ASCC3: variants seen among roughly 807,000 people sequenced by gnomAD.
The protein encoded by ASCC3 is activating signal cointegrator 1 complex subunit 3, also known as ASC-1 complex subunit P200.
Under a neutral mutation model 256.3 loss-of-function variants are expected in ASCC3, and 158 were observed. The observed-to-expected ratio is 0.62, with a 90% CI of 0.54 to 0.70. The LOEUF is 0.70. Ranked by LOEUF, ASCC3 falls within the 30% of genes least tolerant of loss-of-function variation. ASCC3 has a pLI of 0.00. For synonymous variants in ASCC3, 948 were observed against 883.4 expected (o/e 1.07, Z -1.30); for missense variants, 2,259 against 2,626.0 (o/e 0.86, Z 3.05).
chr6:100,701,015 G>A (rs1400339137), intron 13 of ASCC3, among the ~76,000 whole-genome samples: 2 of 152,068 alleles, frequency 1.3e-5, no homozygotes, highest in East Asian at 1.9e-4. Context: ...AGGGTGGAAT[G>A]ATATGGTTTG....
intron 30 of ASCC3, among the ~76,000 whole-genome samples, chr6:100,620,717 T>G (rs534758155): frequency 3.3e-5 from 5 of 152,130 alleles, no homozygotes; most frequent in Admixed American, 6.6e-5. Context: ...TTGTCAACAC[T>G]AGAGTCTTAA....
intron 10 of ASCC3, among the ~76,000 whole-genome samples, chr6:100,734,182 T>A (rs1190528333): frequency 6.6e-6 from 1 of 152,150 alleles, no homozygotes; most frequent in Non-Finnish European, 1.5e-5. Flanking sequence ...GGAGAAGAAT[T>A]TTTTACCACC....
intron 14 of ASCC3, among the ~76,000 whole-genome samples, chr6:100,664,917 G>A (rs1776392915): frequency 6.6e-6 from 1 of 152,144 alleles, no homozygotes; most frequent in South Asian, 2.1e-4. Flanking sequence ...CTGGATTGCT[G>A]TTTGGTTTTA....
At chr6:100,741,180 C>G (rs1017666807) in intron 10 of ASCC3, among the ~76,000 whole-genome samples, 1 of 152,136 alleles carries the variant, frequency 6.6e-6, no homozygotes, top group African/African-American at 2.4e-5. Flanking sequence ...GTTGGAAATT[C>G]TTTTGTTTAA....
intron 36 of ASCC3, among the ~76,000 whole-genome samples, chr6:100,572,268 T>C (rs1019666110): frequency 1.3e-5 from 2 of 152,168 alleles, no homozygotes; most frequent in African/African-American, 4.8e-5. Context: ...TCACCACTTC[T>C]GCCATGTGAG....
At chr6:100,630,523 T>C (rs1774486396) in intron 26 of ASCC3, among the ~76,000 whole-genome samples, 1 of 151,540 alleles carries the variant, frequency 6.6e-6, no homozygotes, top group Non-Finnish European at 1.5e-5. Context: ...ATTCTTTCCG[T>C]ATAAAAAAAT....
At chr6:100,855,179 T>C (rs909543753) in intron 3 of ASCC3, among the ~76,000 whole-genome samples, 1 of 151,650 alleles carries the variant, frequency 6.6e-6, no homozygotes, top group African/African-American at 2.4e-5. Flanking sequence ...AGTGGCACAA[T>C]CTTGGCTCAC....
At chr6:100,875,022 T>C (rs1773929734) in intron 1 of ASCC3, among the ~76,000 whole-genome samples, 1 of 152,190 alleles carries the variant, frequency 6.6e-6, no homozygotes, top group African/African-American at 2.4e-5. Context: ...ATTCTGATAA[T>C]CAGAATCACT....
At chr6:100,785,649 T>G (rs1769031532) in intron 8 of ASCC3, among the ~76,000 whole-genome samples, 4 of 152,146 alleles carry the variant, frequency 2.6e-5, no homozygotes. Flanking sequence ...TAGGCCCAAG[T>G]GATCCTCCTG....
intron 37 of ASCC3, among the ~76,000 whole-genome samples, chr6:100,532,402 ATATATTTTT>A (rs1338987490): frequency 0.026 from 1,627 of 62,110 alleles, 9 homozygotes; most frequent in Middle Eastern, 0.041. Context: ...ATATATATAT[ATATATTTTT>A]TTTTTTTTTT....
At chr6:100,754,319 C>T (rs912334455) in intron 10 of ASCC3, among the ~76,000 whole-genome samples, 1 of 152,014 alleles carries the variant, frequency 6.6e-6, no homozygotes, top group Non-Finnish European at 1.5e-5. Context: ...AAAACATTGA[C>T]CTGGTGTTGA....
intron 3 of ASCC3, chr6:100,858,603 C>A: frequency 1.0e-6 from 1 of 986,700 alleles, no homozygotes; most frequent in Non-Finnish European, 1.2e-6. Flanking sequence ...AACAAATCAC[C>A]CTATCTTCTC....
At chr6:100,583,638 T>C (rs1304674640) in intron 36 of ASCC3, among the ~76,000 whole-genome samples, 1 of 152,228 alleles carries the variant, frequency 6.6e-6, no homozygotes, top group African/African-American at 2.4e-5. Flanking sequence ...AGCTTTTGAA[T>C]GTGATTGCTC....
chr6:100,733,992 G>A (rs889522492), intron 10 of ASCC3, among the ~76,000 whole-genome samples: 1 of 152,154 alleles, frequency 6.6e-6, no homozygotes, highest in African/African-American at 2.4e-5. Context: ...TCTTATGATA[G>A]TTCTTGTAGG....
intron 36 of ASCC3, among the ~76,000 whole-genome samples, chr6:100,586,282 C>A (rs969070413): frequency 6.6e-6 from 1 of 152,332 alleles, no homozygotes; most frequent in East Asian, 1.9e-4. Context: ...CAAGCCTGGG[C>A]AATGGCGGGT....
chr6:100,689,238 T>G (rs1253962621), intron 13 of ASCC3, among the ~76,000 whole-genome samples: 1 of 152,212 alleles, frequency 6.6e-6, no homozygotes, highest in Non-Finnish European at 1.5e-5. Context: ...ATGTTAAGAC[T>G]AATCATAAAA....
At chr6:100,666,678 GA>G (rs1776491060) in intron 14 of ASCC3, among the ~76,000 whole-genome samples, 1 of 152,090 alleles carries the variant, frequency 6.6e-6, no homozygotes, top group African/African-American at 2.4e-5. Flanking sequence ...GTTTTTTACA[GA>G]AGGATATTTG....
In ASCC3 at chr6:100,652,705, T is replaced by C; in HGVS notation, c.2988+20A>G. On this transcript the variant is annotated intron_variant, in intron 18 of 41. Transcript: ENST00000369162. ...AAGTATTTGCATCTAAAATCAAACA[T>C]ATTTGCATTAGTATAATACCTCAAT... 1 of 1,607,944 alleles carries C rather than the reference T, an allele frequency of 6.2e-7. No individual in the cohort carries two copies. Among genetic ancestry groups the C allele is most frequent in the Non-Finnish European group, 8.5e-7 (1 of 1,174,852 alleles).
chr6:100,764,824 T>G (rs1246363914), intron 10 of ASCC3, among the ~76,000 whole-genome samples: 1 of 152,128 alleles, frequency 6.6e-6, no homozygotes, highest in East Asian at 1.9e-4. Flanking sequence ...ATATAAATTG[T>G]GTTTGGGGGG....
Sources: allele counts gnomAD v4.1 joint callset (sites outside exome capture counted in the v4.1 genomes callset), GRCh38; gene constraint gnomAD v4.1.1; transcripts MANE v1.5; gene names NCBI Gene and HGNC (gene_info 2026-07-23, HGNC 2026-07-21).